The following CADM1 variants were observed in gnomAD, a reference collection of about 807,000 sequenced individuals.
CADM1 encodes TSLC-1.
Under a neutral mutation model 53.1 loss-of-function variants are expected in CADM1, and 15 were observed. The observed-to-expected ratio is 0.28, with a 90% confidence interval of 0.19 to 0.44. The LOEUF (loss-of-function observed/expected upper bound fraction) is 0.44. Among genes scored for constraint, CADM1 ranks in the 20% least tolerant of loss-of-function variants. CADM1 has a pLI of 1.00. For missense variants in CADM1, 434 were observed against 611.3 expected, an observed-to-expected ratio of 0.71 and a Z score of 3.06; for synonymous variants, 281 against 243.0, an observed-to-expected ratio of 1.16 and a Z score of -1.45.
chr11:115,197,316 G>C (rs2134673323), intron 9 of CADM1, among the ~76,000 whole-genome samples: 1 of 152,262 alleles, frequency 6.6e-6, no homozygotes, highest in East Asian at 1.9e-4. Flanking sequence ...AACATGGCAG[G>C]GTTGGCTGAT....
intron 1 of CADM1, among the ~76,000 whole-genome samples, chr11:115,263,027 A>G (rs1447630963): frequency 2.0e-5 from 3 of 152,218 alleles, no homozygotes; most frequent in Non-Finnish European, 4.4e-5. Flanking sequence ...CTGTCCCTCA[A>G]TCTGGGTTTG....
At position 115,487,355 on chromosome 11, in the gene CADM1, C is replaced by A. The variant is rs1323750567; in HGVS notation, c.124+16916G>T. Among the ~76,000 whole-genome samples, 5 of 152,154 alleles carry A rather than the reference C, an allele frequency of 3.3e-5. No homozygotes were observed. The South Asian group carries it at 1.0e-3, about 32-fold the overall frequency. On this transcript the variant is annotated intron_variant, in intron 1 of 11. Coordinates refer to ENST00000331581, the MANE Select transcript of CADM1 (RefSeq NM_001301043.2). Reference sequence around the variant, plus strand: ...ATATTCATCTTTTTAAAAAATTTATCTTTTTCTTGCTCCTTTAGTTCATGA... The same window carrying A: ...ATATTCATCTTTTTAAAAAATTTATATTTTTCTTGCTCCTTTAGTTCATGA...
chr11:115,374,474 G>C (rs927241537), intron 1 of CADM1, among the ~76,000 whole-genome samples: 1 of 152,156 alleles, frequency 6.6e-6, no homozygotes, highest in African/African-American at 2.4e-5. Context: ...TAAATGATAA[G>C]GGGAAGTTTC....
At chr11:115,354,596 G>A (rs1417926706) in intron 1 of CADM1, among the ~76,000 whole-genome samples, 1 of 152,186 alleles carries the variant, frequency 6.6e-6, no homozygotes, top group Non-Finnish European at 1.5e-5. Flanking sequence ...ATAGGACACA[G>A]TCCTTTCTTT....
chr11:115,335,186 A>C (rs1281017915), intron 1 of CADM1, among the ~76,000 whole-genome samples: 1 of 152,164 alleles, frequency 6.6e-6, no homozygotes, highest in Non-Finnish European at 1.5e-5. Context: ...TCATAATGTC[A>C]GGATCACTTT....
chr11:115,330,325 G>A (rs1307609140), intron 1 of CADM1, among the ~76,000 whole-genome samples: 10 of 152,014 alleles, frequency 6.6e-5, no homozygotes, highest in African/African-American at 2.4e-4. Context: ...AGTTTACAAA[G>A]CACAGCTTTT....
At chr11:115,393,102 CCATT>C (rs1307681681) in intron 1 of CADM1, among the ~76,000 whole-genome samples, 12 of 147,056 alleles carry the variant, frequency 8.2e-5, no homozygotes, top group African/African-American at 2.7e-4. Flanking sequence ...GAGAAATAGC[CCATT>C]CAATTATGAT....
At chr11:115,263,363 C>A (rs895541251) in intron 1 of CADM1, among the ~76,000 whole-genome samples, 1 of 152,166 alleles carries the variant, frequency 6.6e-6, no homozygotes, top group Non-Finnish European at 1.5e-5. Context: ...TTAAAACCAC[C>A]AGAGGAATTA....
intron 1 of CADM1, among the ~76,000 whole-genome samples, chr11:115,445,609 T>A (rs1393990204): frequency 6.6e-6 from 1 of 151,956 alleles, no homozygotes; most frequent in African/African-American, 2.4e-5. Context: ...TTTGGGAGAT[T>A]GAGGCGAATG....
intron 1 of CADM1, among the ~76,000 whole-genome samples, chr11:115,296,891 A>T (rs1944092940): frequency 2.6e-5 from 4 of 152,244 alleles, no homozygotes. Flanking sequence ...AGTCCTATAC[A>T]TAATGGGTTT....
At chr11:115,274,664 G>C (rs1269295728) in intron 1 of CADM1, among the ~76,000 whole-genome samples, 1 of 152,220 alleles carries the variant, frequency 6.6e-6, no homozygotes, top group Non-Finnish European at 1.5e-5. Flanking sequence ...TAGTAAAGAA[G>C]GTAGAACCAC....
chr11:115,393,255 G>T (rs1239993043), intron 1 of CADM1, among the ~76,000 whole-genome samples: 2 of 151,722 alleles, frequency 1.3e-5, no homozygotes, highest in Admixed American at 6.6e-5. Flanking sequence ...ATGGTAATAT[G>T]CATGGAAGGT....
intron 1 of CADM1, among the ~76,000 whole-genome samples, chr11:115,326,587 A>G (rs1245282046): frequency 6.6e-6 from 1 of 152,200 alleles, no homozygotes; most frequent in Non-Finnish European, 1.5e-5. Context: ...TCCATTTAAA[A>G]ATCTCAGAAA....
At chr11:115,293,326 G>T (rs1426345955) in intron 1 of CADM1, among the ~76,000 whole-genome samples, 1 of 152,104 alleles carries the variant, frequency 6.6e-6, no homozygotes, top group Admixed American at 6.5e-5. Context: ...CCAGCTACTC[G>T]GGAGGCTGAG....
At chr11:115,490,454 AG>A (rs1949469940) in intron 1 of CADM1, among the ~76,000 whole-genome samples, 2 of 140,516 alleles carry the variant, frequency 1.4e-5, no homozygotes, top group African/African-American at 2.7e-5. Context: ...GCTGGAATGC[AG>A]GGGTGCGATC....
chr11:115,341,459 A>G lies in CADM1; in HGVS notation c.125-101039T>C, dbSNP rs561691366. ...TAAAGTTAAGTAGAATATAAAATAA[A>G]CCACAAGATAACCTCTATATAAACA... is the stretch of plus-strand genomic sequence containing the variant. On this transcript the variant is annotated intron_variant, in intron 1 of 11. Coordinates refer to ENST00000331581, the MANE Select transcript of CADM1 (RefSeq NM_001301043.2). Among the ~76,000 whole-genome samples, 3 of 152,312 alleles carry G rather than the reference A, an allele frequency of 2.0e-5. No individual in the cohort carries two copies. In the South Asian group the frequency reaches 6.2e-4, roughly 32 times the overall value.
intron 1 of CADM1, among the ~76,000 whole-genome samples, chr11:115,287,019 A>G (rs1310624191): frequency 1.3e-5 from 2 of 152,178 alleles, no homozygotes; most frequent in Non-Finnish European, 2.9e-5. Context: ...AATAAAAGAG[A>G]AGTAGTTTCT....
At chr11:115,343,330 A>G (rs1945496529) in intron 1 of CADM1, among the ~76,000 whole-genome samples, 1 of 152,170 alleles carries the variant, frequency 6.6e-6, no homozygotes, top group African/African-American at 2.4e-5. Flanking sequence ...TACTTTACAT[A>G]TCCACCCTCA....
intron 1 of CADM1, among the ~76,000 whole-genome samples, chr11:115,476,728 T>C (rs314504): frequency 0.065 from 9,819 of 152,206 alleles, 406 homozygotes; most frequent in African/African-American, 0.11. Context: ...TTAAAAACTC[T>C]CCTGGAAGAA....
Sources: allele counts gnomAD v4.1 joint callset (sites outside exome capture counted in the v4.1 genomes callset), GRCh38; gene constraint gnomAD v4.1.1; transcripts MANE v1.5; gene names NCBI Gene and HGNC (gene_info 2026-07-23, HGNC 2026-07-21).